The following FAT1 variants were observed in gnomAD, a reference collection of about 807,000 sequenced individuals.
FAT1 encodes protocadherin Fat 1.
FAT1 carries 171 observed loss-of-function variants against 329.8 expected under a neutral mutation model. That is an observed-to-expected ratio of 0.52 (90% CI 0.46 to 0.59). FAT1 has a LOEUF of 0.59. FAT1 is among the 20% of genes least tolerant of loss of function. The probability of loss-of-function intolerance (pLI) is 0.00; values close to 1 mark genes in which losing one functional copy is unlikely to be tolerated. For synonymous variants in FAT1, 2,233 were observed against 2,228.6 expected, an observed-to-expected ratio of 1.00 and a Z score of -0.06; for missense variants, 5,672 against 5,774.4, an observed-to-expected ratio of 0.98 and a Z score of 0.57.
chr4:186,606,297 ACGGGCAGGTCC>A (rs879380205), intron 16 of FAT1, 84 bp from the exon 17 acceptor site: 21,952 of 1,504,876 alleles, frequency 0.015, 254 homozygotes, highest in South Asian at 0.036. Flanking sequence ...GAGAGTCCTG[ACGGGCAGGTCC>A]CAGTGAGCTA....
rs148342846 is a variant in FAT1, at chr4:186,622,545, T to G, written c.4811-770A>C. ...AACCAAAAATATCTGGTTCCAAATG[T>G]CAGCAGTGCTGAAGCTGAGAGGCTG... On this transcript the variant is annotated intron_variant, in intron 9 of 26. Transcript: ENST00000441802. 8.1e-3 allele frequency among the ~76,000 whole-genome samples: 1,239 copies of G among 152,318 alleles called. 12 individuals are homozygous for G. The highest frequency in any genetic ancestry group is 0.017 in the Middle Eastern group (5 of 294).
rs2126414194 is a variant in FAT1, at chr4:186,600,255, G to A, written c.11746C>T (p.Leu3916=). The part of the protein sequence containing the change: ...VNDGQWHAVA[L]EVNGNYARLV... Reference sequence around the variant, plus strand: ...CGAGCATAGTTTCCATTCACTTCCAGGGCCACTGCGTGCCACTGCCCATCA... The same window carrying A: ...CGAGCATAGTTTCCATTCACTTCCAAGGCCACTGCGTGCCACTGCCCATCA... The change falls in exon 22 of 27, where the codon CTG becomes TTG. Residue 3916 remains leucine (L), a synonymous_variant. Transcript: ENST00000441802. The A allele has an allele frequency of 1.2e-6, 2 of 1,613,952 alleles. No homozygotes were observed. The highest frequency in any genetic ancestry group is 1.7e-6 in the Non-Finnish European group (2 of 1,179,858).
At chr4:186,676,087 G>T (rs1173756141) in intron 2 of FAT1, among the ~76,000 whole-genome samples, 1 of 151,908 alleles carries the variant, frequency 6.6e-6, no homozygotes, top group Non-Finnish European at 1.5e-5. Context: ...GGAAAAGAAG[G>T]GCACCTGTTT....
At chr4:186,648,704 T>A (rs1328656617) in intron 3 of FAT1, among the ~76,000 whole-genome samples, 2 of 152,170 alleles carry the variant, frequency 1.3e-5, no homozygotes, top group Non-Finnish European at 2.9e-5. Context: ...AAGGCTCTAC[T>A]GCTCGAGCCT....
At chr4:186,650,242 C>CT (rs1421739394) in intron 3 of FAT1, among the ~76,000 whole-genome samples, 2 of 152,084 alleles carry the variant, frequency 1.3e-5, no homozygotes, top group African/African-American at 4.8e-5. Flanking sequence ...TCAGCTAAGT[C>CT]TTTTGTTTTC....
chr4:186,604,768 G>A lies in FAT1; in HGVS notation c.10351-194C>T, dbSNP rs60309081. Among the ~76,000 whole-genome samples, 27,198 of 133,940 alleles carry A rather than the reference G, an allele frequency of 0.2. 2,781 individuals carry two copies. The highest frequency in any genetic ancestry group is 0.28 in the Admixed American group (3,388 of 12,282). The allele number at this position is 133,940 out of a possible 152,430, so 87.9% of individuals were successfully genotyped here. On this transcript the variant is annotated intron_variant, in intron 17 of 26. Transcript: ENST00000441802. ...GGAGGGAAAGGAGAAGGGGTGTAGC[G>A]AAAAGGGAAGAAAAAGGAGGATGAA...
intron 9 of FAT1, among the ~76,000 whole-genome samples, chr4:186,622,500 C>T (rs328433): frequency 0.42 from 63,806 of 151,902 alleles, 13,845 homozygotes; most frequent in African/African-American, 0.5. Flanking sequence ...CATCCTACAA[C>T]GCACAGGACA....
chr4:186,724,183 T>TTA (rs1745623379), upstream of FAT1, among the ~76,000 whole-genome samples: 2 of 71,328 alleles, frequency 2.8e-5, no homozygotes, highest in African/African-American at 6.3e-5. The surrounding 1 kb of genome is among the most constrained non-coding windows in gnomAD (Gnocchi z 5.3). Context: ...TTAGCTTAGC[T>TTA]AAAAAAAAAA....
At chr4:186,590,969 T>C (rs1354381683) in intron 26 of FAT1, among the ~76,000 whole-genome samples, 1 of 152,236 alleles carries the variant, frequency 6.6e-6, no homozygotes, top group Non-Finnish European at 1.5e-5. Context: ...AGCCATTCCC[T>C]AAAGAGACCA....
rs1483362115 is a variant in FAT1 at position 186,660,646 on chromosome 4, C to CTCT, written c.3580+2652_3580+2653insAGA. On this transcript the variant is annotated intron_variant, in intron 3 of 26. Transcript: ENST00000441802. ...GGGGCTGGGGTGTGGCTGTGGACAC[C>CTCT]TGGAGAGGGTTTATTCCTTCTGAAG... 3.9e-5 allele frequency among the ~76,000 whole-genome samples: 6 copies of CTCT among 152,196 alleles called. 1 individual carries two copies. Among genetic ancestry groups the CTCT allele is most frequent in the African/African-American group, 9.7e-5 (4 of 41,434 alleles).
Position 186,613,298 on chromosome 4 carries a change from C to A in FAT1, c.9274G>T (p.Val3092Phe). The A allele has an allele frequency of 1.2e-6, 2 of 1,614,032 alleles. 1 individual carries two copies. Among genetic ancestry groups the A allele is most frequent in the South Asian group, 2.2e-5 (2 of 91,082 alleles). ...GTGGCCCTGACGAGAAGATGATAAA[C>A]AGCTTGCTCCTCACGATCAAGGGGG... ...STPLDREEQA[V>F]YHLLVRATDG... Residue 3092 changes from valine (V) to phenylalanine (F), a missense_variant, in exon 13 of 27, where the codon GTT becomes TTT. Physicochemically the swap from Val to Phe is conservative, Grantham distance 50. This residue lies in a region of FAT1 where 3,966 missense variants were observed against 3,915.2 expected (regional missense o/e 1.01). Transcript: ENST00000441802.
chr4:186,607,205 A>T (rs147655338), intron 16 of FAT1, among the ~76,000 whole-genome samples: 4 of 152,354 alleles, frequency 2.6e-5, no homozygotes, highest in African/African-American at 9.6e-5. Context: ...CTGAAATTTC[A>T]TTCTTAATCA....
Position 186,619,566 on chromosome 4 carries a change from G to A in FAT1, c.7020C>T (p.Gly2340=), listed in dbSNP as rs1277421843. The A allele has an allele frequency of 3.7e-6, 6 of 1,613,794 alleles. No individual in the cohort carries two copies. In the East Asian group the frequency reaches 1.1e-4, roughly 30 times the overall value. ...HDHFHVDSST[G]LISLLRTLDY... ...CCAGGGTTCTGAGTAGTGAGATGAGGCCAGTGCTGCTGTCTACATGAAAAT... is the reference window on the plus strand; with the variant it reads ...CCAGGGTTCTGAGTAGTGAGATGAGACCAGTGCTGCTGTCTACATGAAAAT... Residue 2340 remains glycine, a synonymous_variant, in exon 10 of 27, where the codon GGC becomes GGT. Transcript: ENST00000441802.
intron 1 of FAT1, among the ~76,000 whole-genome samples, chr4:186,711,440 T>A (rs1347482697): frequency 1.3e-5 from 2 of 152,218 alleles, no homozygotes; most frequent in African/African-American, 4.8e-5. Flanking sequence ...TATCTCCATT[T>A]AGTCAACAGT....
chr4:186,597,757 CA>C lies in FAT1; in HGVS notation c.12292del (p.Cys4098ValfsTer108), dbSNP rs1343198814. 3 of 1,613,818 alleles carry C rather than the reference CA, an allele frequency of 1.9e-6. No homozygotes were observed. The Admixed American group carries it at 5.0e-5, about 27-fold the overall frequency. Reference protein sequence around the residue: ...QLSPYCKDEPCKNGGTCFDSL... With the variant: ...QLSPYCKDEPXKNGGTCFDSL... ...GTCAAAGCATGTTCCGCCATTCTTA[CA>C]GGGTTCATCTTTGCAGTATGGACTA... On this transcript the variant is annotated frameshift_variant, in exon 24 of 27. Coordinates refer to ENST00000441802, the MANE Select transcript of FAT1 (RefSeq NM_005245.4). LOFTEE classifies it high-confidence loss of function.
At chr4:186,646,095 G>C (rs975662896) in intron 3 of FAT1, among the ~76,000 whole-genome samples, 2 of 151,820 alleles carry the variant, frequency 1.3e-5, no homozygotes, top group African/African-American at 4.8e-5. Context: ...CTTGCAATCT[G>C]TAGTACGAGT....
rs1973351 is a variant in FAT1, at chr4:186,611,999, C to T, written c.9464-224G>A. ...GTAATTTTTGTATTTTTATTAGAGA[C>T]GGGGTTTCTCCATGTTGGCCAGGCT... is the stretch of plus-strand genomic sequence containing the variant. On this transcript the variant is annotated intron_variant, in intron 13 of 26. Coordinates refer to ENST00000441802, the MANE Select transcript of FAT1 (RefSeq NM_005245.4). 0.27 allele frequency among the ~76,000 whole-genome samples: 40,693 copies of T among 151,318 alleles called. 6,263 individuals carry two copies. The highest frequency in any genetic ancestry group is 0.34 in the Admixed American group (5,241 of 15,210).
chr4:186,665,781 C>T (rs1410123951), intron 2 of FAT1, among the ~76,000 whole-genome samples: 2 of 151,988 alleles, frequency 1.3e-5, no homozygotes, highest in African/African-American at 2.4e-5. Context: ...GACTTGGAAC[C>T]AACCCAAATG....
upstream of FAT1, among the ~76,000 whole-genome samples, chr4:186,725,706 G>T (rs552483572): frequency 6.6e-6 from 1 of 152,202 alleles, no homozygotes; most frequent in Non-Finnish European, 1.5e-5. This position sits in a 1 kb window ranked among gnomAD's most constrained non-coding sequence, Gnocchi z 5.4. Flanking sequence ...ATGAGAGAGA[G>T]AAATGTGGTT....
Sources: allele counts gnomAD v4.1 joint callset (sites outside exome capture counted in the v4.1 genomes callset), GRCh38; gene constraint gnomAD v4.1.1; regional missense constraint gnomAD v4.1.1; non-coding constraint Gnocchi (gnomAD v3.1); transcripts MANE v1.5; gene names NCBI Gene and HGNC (gene_info 2026-07-23, HGNC 2026-07-21).